The following TPM3 variants were observed in gnomAD, a reference collection of about 807,000 sequenced individuals.
The protein encoded by TPM3 is tropomyosin 3.
A neutral mutation model predicts 43.1 loss-of-function variants in TPM3; 16 were observed. That is an observed-to-expected ratio of 0.37 (90% CI 0.25 to 0.56). TPM3 has a LOEUF of 0.56. Among genes scored for constraint, TPM3 ranks in the 20% least tolerant of loss-of-function variants. The pLI is 0.77. For missense variants in TPM3, 176 were observed against 337.2 expected, an observed-to-expected ratio of 0.52 and a Z score of 3.74; for synonymous variants, 101 against 116.9, an observed-to-expected ratio of 0.86 and a Z score of 0.88.
At position 154,162,734 on chromosome 1, in the gene TPM3, G is replaced by T. The variant is rs1660513427; in HGVS notation, c.*5203C>A. Among the ~76,000 whole-genome samples the T allele has an allele frequency of 6.6e-6, 1 of 152,118 alleles. No homozygotes were observed. Among genetic ancestry groups the T allele is most frequent in the South Asian group, 2.1e-4 (1 of 4,830 alleles). ...CAAGGATATTAAGCCTTAAACAAAG[G>T]AATGAATTTAGCATTAGCACTAATT... On this transcript the variant is annotated 3_prime_UTR_variant, in exon 10 of 10. Coordinates refer to ENST00000651641, the MANE Select transcript of TPM3 (RefSeq NM_152263.4).
rs1661026293 is a variant in TPM3, at chr1:154,166,755, C to T, written c.*1182G>A. On this transcript the variant is annotated 3_prime_UTR_variant, in exon 10 of 10. Coordinates refer to ENST00000651641, the MANE Select transcript of TPM3 (RefSeq NM_152263.4). ...GGAATGCAGTGGCGCGATCTCCGCT[C>T]ACTGCAACCTCCGCCTCCCAGGTGC... The T allele has an allele frequency of 1.1e-6, 1 of 934,806 alleles. No individual in the cohort carries two copies. Among genetic ancestry groups the T allele is most frequent in the Non-Finnish European group, 1.3e-6 (1 of 784,484 alleles). The allele number at this position is 934,806 out of a possible 1,614,324, so 57.9% of individuals were successfully genotyped here. A position where few individuals can be genotyped will look rare whatever the true frequency, so the allele number is the denominator to read the frequency against.
chr1:154,173,959 G>A (rs921417830), intron 3 of TPM3, among the ~76,000 whole-genome samples: 19 of 152,030 alleles, frequency 1.2e-4, no homozygotes, highest in African/African-American at 1.9e-4. Flanking sequence ...CAGCCTGGGC[G>A]ACAGAGTGAG....
chr1:154,183,731 C>T (rs1354221595), intron 2 of TPM3: 1 of 167,086 alleles, frequency 6.0e-6, no homozygotes, highest in Non-Finnish European at 1.3e-5. Flanking sequence ...TTCTCTCTCC[C>T]GTCTCCTGGA....
chr1:154,182,797 C>G (rs1261065469), intron 2 of TPM3, among the ~76,000 whole-genome samples: 4 of 152,142 alleles, frequency 2.6e-5, no homozygotes, highest in East Asian at 1.9e-4. Flanking sequence ...CCTGCTCGCC[C>G]GAGCACTGTT....
intron 2 of TPM3, among the ~76,000 whole-genome samples, chr1:154,189,586 G>C (rs1318538797): frequency 1.3e-5 from 2 of 152,082 alleles, no homozygotes; most frequent in Non-Finnish European, 2.9e-5. Context: ...CTGAGGTCAG[G>C]AGTTCAAGAC....
chr1:154,165,078 T>G lies in TPM3; in HGVS notation c.*2859A>C, dbSNP rs1344426214. 6.6e-6 allele frequency among the ~76,000 whole-genome samples: 1 copy of G among 152,196 alleles called. No homozygotes were observed. Among genetic ancestry groups the G allele is most frequent in the African/African-American group, 2.4e-5 (1 of 41,456 alleles). On this transcript the variant is annotated 3_prime_UTR_variant, in exon 10 of 10. Coordinates refer to ENST00000651641, the MANE Select transcript of TPM3 (RefSeq NM_152263.4). ...TCTATCAATGCCTTTATTATTTTGT[T>G]TCTCTTTAAATGGAATGCTCAGGCC...
chr1:154,177,169 C>T (rs1425564703), intron 2 of TPM3, among the ~76,000 whole-genome samples: 1 of 152,122 alleles, frequency 6.6e-6, no homozygotes, highest in Non-Finnish European at 1.5e-5. Context: ...ACTCACCAGC[C>T]CTTCAACTTG....
In TPM3 at chr1:154,176,167, T is replaced by C; in HGVS notation, c.325A>G (p.Thr109Ala). The part of the protein sequence containing the change: ...ELDRAQERLA[T>A]ALQKLEEAEK... ...GCTTCTTCCAGCTTTTGCAGGGCAG[T>C]GGCCAGGCGCTCCTGAGCACGGTCC... The change falls in exon 3 of 10, where the codon ACT (threonine) becomes GCT (alanine). Residue 109 changes from threonine (T) to alanine (A), a missense_variant. By Grantham distance (58) the Thr-to-Ala change is moderately conservative (BLOSUM62 0). Around this residue, in one of 4 missense-constraint regions of TPM3, gnomAD observed 82 missense variants for 148.8 expected, o/e 0.55. Coordinates refer to ENST00000651641, the MANE Select transcript of TPM3 (RefSeq NM_152263.4). 1.9e-6 allele frequency: 3 copies of C among 1,614,190 alleles called. No homozygotes were observed. Among genetic ancestry groups the C allele is most frequent in the Non-Finnish European group, 2.5e-6 (3 of 1,180,034 alleles).
chr1:154,155,741 T>C (rs1659735688), downstream of TPM3: 1 of 225,498 alleles, frequency 4.4e-6, no homozygotes, highest in African/African-American at 2.2e-5. Flanking sequence ...TATATTGTTT[T>C]AAGGAGCATA....
At chr1:154,175,759 A>G (rs1175208610) in intron 3 of TPM3, among the ~76,000 whole-genome samples, 1 of 152,224 alleles carries the variant, frequency 6.6e-6, no homozygotes, top group Non-Finnish European at 1.5e-5. Context: ...AGGAAATACC[A>G]ATTACAAAAG....
At chr1:154,191,028 T>C (rs1233402105) in intron 2 of TPM3, among the ~76,000 whole-genome samples, 158 bp downstream of exon 2, 2 of 152,220 alleles carry the variant, frequency 1.3e-5, no homozygotes, top group Non-Finnish European at 2.9e-5. Flanking sequence ...TACATGCCAT[T>C]ATGAGAATAT....
chr1:154,170,225 A>G (rs1661416069), intron 8 of TPM3, 175 bp downstream of exon 8: 1 of 664,386 alleles, frequency 1.5e-6, no homozygotes, highest in Non-Finnish European at 2.6e-6. Flanking sequence ...AATTTAAAAA[A>G]CCAATTCTAG....
intron 2 of TPM3, among the ~76,000 whole-genome samples, chr1:154,181,375 G>A (rs567213456): frequency 8.5e-5 from 13 of 152,050 alleles, no homozygotes; most frequent in Non-Finnish European, 1.6e-4. Context: ...TTTCCCAGAG[G>A]AGCAGCCAAA....
intron 2 of TPM3, among the ~76,000 whole-genome samples, chr1:154,179,748 T>A (rs1472788113): frequency 6.6e-6 from 1 of 152,130 alleles, no homozygotes; most frequent in Non-Finnish European, 1.5e-5. Context: ...CATGCCCAGC[T>A]AATTTTTTGT....
At chr1:154,181,105 TAAAG>T (rs1322881835) in intron 2 of TPM3, among the ~76,000 whole-genome samples, 2 of 152,126 alleles carry the variant, frequency 1.3e-5, no homozygotes, top group African/African-American at 4.8e-5. Flanking sequence ...CCACTGGCCA[TAAAG>T]AGTCACCCAG....
Position 154,176,144 on chromosome 1 carries a change from T to C in TPM3, c.348A>G (p.Glu116=). 1 of 1,614,118 alleles carries C rather than the reference T, an allele frequency of 6.2e-7. No individual in the cohort carries two copies. The highest frequency in any genetic ancestry group is 8.5e-7 in the Non-Finnish European group (1 of 1,180,040). ...RLATALQKLE[E]AEKAADESER... ...CACTCTCATCAGCAGCTTTTTCAGCTTCTTCCAGCTTTTGCAGGGCAGTGG... is the reference window on the plus strand; with the variant it reads ...CACTCTCATCAGCAGCTTTTTCAGCCTCTTCCAGCTTTTGCAGGGCAGTGG... Residue 116 remains glutamate, a synonymous_variant, in exon 3 of 10, where the codon GAA becomes GAG. Coordinates refer to ENST00000651641, the MANE Select transcript of TPM3 (RefSeq NM_152263.4).
intron 2 of TPM3, among the ~76,000 whole-genome samples, chr1:154,189,744 GC>G (rs1663594430): frequency 6.9e-6 from 1 of 145,972 alleles, no homozygotes; most frequent in African/African-American, 2.6e-5. Flanking sequence ...ATGGCAGTGA[GC>G]CGAGATAGTA....
rs1306456266 is a variant in TPM3, at chr1:154,167,849, C to A, written c.*88G>T. 13 of 1,613,052 alleles carry A rather than the reference C, an allele frequency of 8.1e-6. No homozygotes were observed. Among genetic ancestry groups the A allele is most frequent in the Non-Finnish European group, 1.1e-5 (13 of 1,179,434 alleles). ...ATGCCTTGGGGACCAGCCAGGCTGA[C>A]CCAAATGGAATCCAGAGCGAGAGTG... On this transcript the variant is annotated 3_prime_UTR_variant, in exon 10 of 10. Coordinates refer to ENST00000651641, the MANE Select transcript of TPM3 (RefSeq NM_152263.4).
At chr1:154,184,415 T>C (rs1456633667) in intron 2 of TPM3, among the ~76,000 whole-genome samples, 1 of 152,128 alleles carries the variant, frequency 6.6e-6, no homozygotes, top group African/African-American at 2.4e-5. Context: ...AATCATCAGC[T>C]GGGCGTGGTA....
Sources: allele counts gnomAD v4.1 joint callset (sites outside exome capture counted in the v4.1 genomes callset), GRCh38; gene constraint gnomAD v4.1.1; regional missense constraint gnomAD v4.1.1; transcripts MANE v1.5; gene names NCBI Gene and HGNC (gene_info 2026-07-23, HGNC 2026-07-21).